Variants in YJU2B observed in about 807,000 individuals in gnomAD.
YJU2B encodes YJU2 splicing factor homolog B.
Under a neutral mutation model 38.0 loss-of-function variants are expected in YJU2B, and 18 were observed. The ratio of observed to expected loss-of-function variants is 0.47; its 90% CI spans 0.33 to 0.70. YJU2B has a LOEUF of 0.70. Among genes scored for constraint, YJU2B ranks in the 30% least tolerant of loss-of-function variants. YJU2B has a pLI of 0.02. For missense variants in YJU2B, 538 were observed against 556.3 expected, an observed-to-expected ratio of 0.97 and a Z score of 0.33; for synonymous variants, 246 against 225.4, an observed-to-expected ratio of 1.09 and a Z score of -0.82.
chr19:13,731,832 G>C (rs1972827505), exon 1 of YJU2B: 1 of 152,256 alleles, frequency 6.6e-6, no homozygotes, highest in African/African-American at 2.4e-5. Context: ...CTGGGAGTTA[G>C]GATCCGAGGG....
upstream of YJU2B, among the ~76,000 whole-genome samples, chr19:13,747,277 T>G (rs1293775804): frequency 6.6e-6 from 1 of 152,224 alleles, no homozygotes; most frequent in East Asian, 1.9e-4. Flanking sequence ...CAATGAAATT[T>G]TATTTACGTA....
Position 13,742,294 on chromosome 19 carries a change from C to CTTTTTTTT in YJU2B, c.-201-9293_-201-9286dup, listed in dbSNP as rs552865402. Among the ~76,000 whole-genome samples, 133 of 111,976 alleles carry CTTTTTTTT rather than the reference C, an allele frequency of 1.2e-3. 8 individuals carry two copies. Among genetic ancestry groups the CTTTTTTTT allele is most frequent in the African/African-American group, 4.5e-3 (125 of 27,642 alleles). 73.5% of individuals were successfully genotyped at this position (111,976 alleles called of 152,430 possible). The stretch of plus-strand genomic sequence containing the variant: ...CCATCTGGTCCTTCTTTGAGTCCCA[C>CTTTTTTTT]TTTTTTTTTTTTTTTTTTTTTTTTT... On this transcript the variant is annotated intron_variant, in intron 2 of 10. Coordinates refer to the YJU2B transcript ENST00000586600.
intron 2 of YJU2B, among the ~76,000 whole-genome samples, chr19:13,741,783 A>G (rs1973102370): frequency 6.6e-6 from 1 of 151,976 alleles, no homozygotes; most frequent in African/African-American, 2.4e-5. Context: ...AGGGCCTTAT[A>G]AGCTGCCTCA....
At chr19:13,734,230 G>C (rs1245125713) in intron 2 of YJU2B, among the ~76,000 whole-genome samples, 2 of 151,484 alleles carry the variant, frequency 1.3e-5, no homozygotes, top group African/African-American at 4.8e-5. Context: ...GCCTGGTCTT[G>C]AATTCTTTAA....
upstream of YJU2B, among the ~76,000 whole-genome samples, chr19:13,746,977 A>ACCACCC (rs1390127978): frequency 7.9e-5 from 12 of 152,062 alleles, no homozygotes; most frequent in African/African-American, 2.9e-4. Flanking sequence ...AACACAAGTT[A>ACCACCC]TGGGAGGGTA....
At chr19:13,735,322 CAGG>C (rs1034336665) in intron 2 of YJU2B, among the ~76,000 whole-genome samples, 30 of 152,076 alleles carry the variant, frequency 2.0e-4, no homozygotes, top group African/African-American at 6.5e-4. Flanking sequence ...CTCAAGAAAT[CAGG>C]AGACTTGAGT....
intron 2 of YJU2B, among the ~76,000 whole-genome samples, chr19:13,742,204 T>TCCCCTCAAAACTGCCTACATTC (rs747902203): frequency 4.0e-5 from 6 of 151,752 alleles, no homozygotes; most frequent in Non-Finnish European, 8.8e-5. Flanking sequence ...ATCATTCATT[T>TCCCCTCAAAACTGCCTACATTC]CCCCTCAAAA....
chr19:13,751,787 G>C lies in YJU2B; in HGVS notation c.-22G>C. On this transcript the variant is annotated 5_prime_UTR_variant, in exon 2 of 10. Coordinates refer to ENST00000221554, the MANE Select transcript of YJU2B (RefSeq NM_030818.4). The stretch of plus-strand genomic sequence containing the variant: ...TTCTGATCGTCCGCCCCGAGGCTGA[G>C]GACCAGTAGGCAGCTCCCAAGATGG... 2 of 1,614,074 alleles carry C rather than the reference G, an allele frequency of 1.2e-6. No homozygotes were observed. Among genetic ancestry groups the C allele is most frequent in the Non-Finnish European group, 1.7e-6 (2 of 1,179,928 alleles).
chr19:13,762,275 T>C, intron 8 of YJU2B, 24 bp from the exon 9 acceptor site: 1 of 1,611,174 alleles, frequency 6.2e-7, no homozygotes, highest in Non-Finnish European at 8.5e-7. Context: ...CCCCTATCTC[T>C]GGTGTTCTTG....
chr19:13,747,070 C>T (rs1391264366), upstream of YJU2B, among the ~76,000 whole-genome samples: 1 of 152,144 alleles, frequency 6.6e-6, no homozygotes, highest in Non-Finnish European at 1.5e-5. Flanking sequence ...TGTCTCAGAG[C>T]AGCCCTCAGA....
chr19:13,749,376 A>C (rs1047641613), intron 1 of YJU2B, among the ~76,000 whole-genome samples: 9 of 152,192 alleles, frequency 5.9e-5, no homozygotes, highest in African/African-American at 2.2e-4. Context: ...CATGACGATT[A>C]TGTGAAATTC....
intron 2 of YJU2B, among the ~76,000 whole-genome samples, chr19:13,734,998 G>A (rs902064331): frequency 4.6e-5 from 7 of 152,204 alleles, no homozygotes; most frequent in African/African-American, 1.7e-4. Context: ...CAGTTCAACT[G>A]AGTGGAACTA....
chr19:13,751,472 G>A (rs577744356), intron 1 of YJU2B, 136 bp from the exon 2 acceptor site: 9 of 306,086 alleles, frequency 2.9e-5, no homozygotes, highest in African/African-American at 4.3e-5. Flanking sequence ...GGGCAGAGTC[G>A]GGAGAGAGAA....
intron 2 of YJU2B, among the ~76,000 whole-genome samples, chr19:13,739,979 T>C (rs1415636405): frequency 1.3e-5 from 2 of 152,168 alleles, no homozygotes; most frequent in Non-Finnish European, 2.9e-5. Context: ...CTCCCACTTA[T>C]GAGTGAGAAC....
intron 8 of YJU2B, among the ~76,000 whole-genome samples, chr19:13,761,107 C>T (rs938947309): frequency 1.8e-4 from 28 of 152,010 alleles, no homozygotes; most frequent in Middle Eastern, 3.4e-3. Flanking sequence ...TGGCTGGGCG[C>T]GGTGGCTCAC....
At chr19:13,755,153 G>C (rs1168869099) in intron 3 of YJU2B, among the ~76,000 whole-genome samples, 3 of 134,914 alleles carry the variant, frequency 2.2e-5, no homozygotes. Flanking sequence ...TACAGAGCCA[G>C]ACCCTGCCTC....
chr19:13,732,217 G>A (rs1242371699), exon 2 of YJU2B: 1 of 152,284 alleles, frequency 6.6e-6, no homozygotes, highest in Non-Finnish European at 1.5e-5. Flanking sequence ...TCGCCCCAAG[G>A]GGATTGCCTG....
rs1973466641 is a variant in YJU2B, at chr19:13,751,588, G to C, written c.-201-20G>C. ...CGTATATTGGCTGTAGAGTGGACGG[G>C]ACTCTCTCTTTCTAAACAGACACGC... On this transcript the variant is annotated intron_variant, in intron 1 of 9. Transcript: ENST00000221554. 1.5e-5 allele frequency: 9 copies of C among 584,274 alleles called. No individual in the cohort carries two copies. The Admixed American group carries it at 2.7e-4, about 17-fold the overall frequency. The allele number at this position is 584,274 out of a possible 1,614,324, so 36.2% of individuals were successfully genotyped here. A position where few individuals can be genotyped will look rare whatever the true frequency, so the allele number is the denominator to read the frequency against.
Position 13,762,398 on chromosome 19 carries a change from C to T in YJU2B, c.673C>T (p.Arg225Cys), listed in dbSNP as rs1973925569. 3 of 1,613,460 alleles carry T rather than the reference C, an allele frequency of 1.9e-6. No individual in the cohort carries two copies. Among genetic ancestry groups the T allele is most frequent in the Admixed American group, 1.7e-5 (1 of 59,970 alleles). The change falls in exon 9 of 10, where the codon CGC becomes TGC. Residue 225 changes from arginine to cysteine, a missense_variant. Transcript: ENST00000221554. ...GCTGGTGCCCGAGACGGAAGATGAC[C>T]GCAAGCTGGCGGCTCTGCTGAAGTT... ...IPLVPETEDD[R>C]KLAALLKFHT...
Sources: gnomAD v4.1 joint callset for allele counts (sites outside exome capture counted in the v4.1 genomes callset) on GRCh38, gnomAD v4.1.1 for gene constraint, MANE v1.5 for transcripts, NCBI Gene and HGNC (gene_info 2026-07-23, HGNC 2026-07-21) for gene names.